Variants in SNX25 observed in about 807,000 individuals in gnomAD.
SNX25 encodes sorting nexin 25.
A neutral mutation model predicts 113.7 loss-of-function variants in SNX25; 62 were observed. The observed-to-expected ratio is 0.55, with a 90% CI of 0.44 to 0.67. The LOEUF is 0.67. SNX25 is among the 30% of genes least tolerant of loss of function. The pLI, the probability that SNX25 is intolerant of heterozygous loss-of-function variation, is 0.00. For missense variants in SNX25, 1,014 were observed against 1,161.0 expected (o/e 0.87, Z 1.84); for synonymous variants, 421 against 436.2 (o/e 0.97, Z 0.43).
upstream of SNX25, chr4:185,209,430 C>T (rs1737368371): frequency 6.6e-6 from 1 of 152,292 alleles, no homozygotes; most frequent in South Asian, 2.1e-4. The surrounding 1 kb of genome is among the most constrained non-coding windows in gnomAD (Gnocchi z 5.2). Flanking sequence ...GAGGTGTGCA[C>T]CGCGCTGGGT....
rs1175132248 is a variant in SNX25 at position 185,351,434 on chromosome 4, T to C, written c.2302-11T>C. Reference sequence around the variant, plus strand: ...CCCACACTGGAGCAGTTAATCCTCTTTCTTCCATAGAATCTGCTTTCAGAT... The same window carrying C: ...CCCACACTGGAGCAGTTAATCCTCTCTCTTCCATAGAATCTGCTTTCAGAT... On this transcript the variant is annotated splice_polypyrimidine_tract_variant and intron_variant, in intron 13 of 18. Transcript: ENST00000652585. 1 of 1,612,604 alleles carries C rather than the reference T, an allele frequency of 6.2e-7. No homozygotes were observed. Among genetic ancestry groups the C allele is most frequent in the South Asian group, 1.1e-5 (1 of 90,688 alleles).
At chr4:185,326,283 C>T (rs770769291) in intron 9 of SNX25, among the ~76,000 whole-genome samples, 2 of 152,152 alleles carry the variant, frequency 1.3e-5, no homozygotes, top group Non-Finnish European at 2.9e-5. Context: ...TCCTGTCCTG[C>T]TTGACATTAA....
At chr4:185,377,787 A>G in the SNX25 span, 1 of 257,668 alleles carries the variant, frequency 3.9e-6, no homozygotes, top group Non-Finnish European at 7.3e-6. Context: ...TTGCAAGTCA[A>G]GCCTGGCATT....
At chr4:185,257,212 A>G (rs778101988) in intron 2 of SNX25, among the ~76,000 whole-genome samples, 1 of 150,940 alleles carries the variant, frequency 6.6e-6, no homozygotes, top group Admixed American at 6.6e-5. Flanking sequence ...AGAAACAAGA[A>G]GTGATAAAAA....
rs79223605 is a variant in SNX25 at position 185,279,296 on chromosome 4, G to A, written c.1092-8716G>A. 2.0e-3 allele frequency among the ~76,000 whole-genome samples: 302 copies of A among 152,152 alleles called. 1 individual carries two copies. Among genetic ancestry groups the A allele is most frequent in the African/African-American group, 6.9e-3 (288 of 41,512 alleles). ...AATAGTGTTGTAGGTACGTGGAGAT[G>A]GTTTCCTCAACCCTTGGGGTGGCCT... On this transcript the variant is annotated intron_variant, in intron 5 of 18. Transcript: ENST00000652585.
intron 1 of SNX25, among the ~76,000 whole-genome samples, chr4:185,217,096 T>A (rs72706077): frequency 0.092 from 13,933 of 152,098 alleles, 738 homozygotes; most frequent in Non-Finnish European, 0.12. Flanking sequence ...AGAGCTGGGC[T>A]TTGAAACGTT....
chr4:185,371,355 T>C (rs113696773), downstream of SNX25, among the ~76,000 whole-genome samples: 3,546 of 151,966 alleles, frequency 0.023, 113 homozygotes, highest in African/African-American at 0.065. Context: ...CTGGCTAACA[T>C]GGTGAAACCC....
intron 12 of SNX25, among the ~76,000 whole-genome samples, chr4:185,345,266 G>C (rs538702462): frequency 6.6e-6 from 1 of 152,230 alleles, no homozygotes; most frequent in East Asian, 1.9e-4. Context: ...CCTGTCGACA[G>C]CTGTGACAGG....
At chr4:185,373,071 G>A (rs1177869008), downstream of SNX25, 3 of 1,604,568 alleles carry the variant, frequency 1.9e-6, no homozygotes, top group Non-Finnish European at 2.6e-6. Context: ...CGGAATGCCA[G>A]TAAAATGCCT....
intron 6 of SNX25, among the ~76,000 whole-genome samples, chr4:185,304,215 A>C (rs1182448573): frequency 6.6e-6 from 1 of 152,216 alleles, no homozygotes; most frequent in Non-Finnish European, 1.5e-5. Flanking sequence ...ACGTGATCAT[A>C]GCTCACTGTA....
chr4:185,361,847 G>C, intron 16 of SNX25, 77 bp from the exon 17 acceptor site: 1 of 1,396,940 alleles, frequency 7.2e-7, no homozygotes, highest in South Asian at 1.3e-5. Flanking sequence ...CTTAACCTTC[G>C]TATTGATAAG....
chr4:185,222,550 G>A (rs1031022383), intron 1 of SNX25, among the ~76,000 whole-genome samples: 27 of 152,014 alleles, frequency 1.8e-4, no homozygotes, highest in African/African-American at 6.0e-4. Flanking sequence ...TATCCCCTTC[G>A]TGGTAGCTAT....
chr4:185,248,922 T>C (rs1218299945), intron 2 of SNX25, among the ~76,000 whole-genome samples: 2 of 152,246 alleles, frequency 1.3e-5, no homozygotes, highest in East Asian at 1.9e-4. Flanking sequence ...TGTATTCTTT[T>C]ATGCCTGGCC....
rs1196422564 is a variant in SNX25, at chr4:185,210,453, G to GCTCCGGT, written c.429+203_429+204insGTCTCCG. On this transcript the variant is annotated intron_variant, in intron 1 of 18. Transcript: ENST00000652585. This position sits in a 1 kb window ranked among gnomAD's most constrained non-coding sequence, Gnocchi z 4.4. ...GCGCGCGGCGGGCTCCGGGCTCCGG[G>GCTCCGGT]CTCCGCGCTCCGCGGTGCTGGAGGA... Among the ~76,000 whole-genome samples the GCTCCGGT allele has an allele frequency of 6.7e-6, 1 of 149,168 alleles. No individual in the cohort carries two copies. Among genetic ancestry groups the GCTCCGGT allele is most frequent in the African/African-American group, 2.4e-5 (1 of 41,006 alleles).
At chr4:185,285,930 GC>G (rs1273619579) in intron 5 of SNX25, among the ~76,000 whole-genome samples, 1 of 135,146 alleles carries the variant, frequency 7.4e-6, no homozygotes, top group Non-Finnish European at 1.6e-5. Flanking sequence ...GCGCCACCAT[GC>G]CCAGCTAATT....
intron 1 of SNX25, among the ~76,000 whole-genome samples, chr4:185,213,280 CA>C (rs67715246): frequency 0.55 from 83,704 of 151,940 alleles, 23,267 homozygotes; most frequent in East Asian, 0.76. Context: ...ACCTGTTGAG[CA>C]TCTCCTATGT....
intron 5 of SNX25, among the ~76,000 whole-genome samples, chr4:185,276,274 C>G (rs1180937897): frequency 6.6e-6 from 1 of 152,170 alleles, no homozygotes; most frequent in Non-Finnish European, 1.5e-5. Flanking sequence ...ACATTTCCCT[C>G]TATTAGCCAC....
chr4:185,345,290 G>A (rs2095280214), intron 12 of SNX25, among the ~76,000 whole-genome samples: 1 of 151,888 alleles, frequency 6.6e-6, no homozygotes, highest in Non-Finnish European at 1.5e-5. Flanking sequence ...TACCTTTTTG[G>A]GTACTTAGTG....
chr4:185,258,628 G>A (rs138943667), intron 2 of SNX25, among the ~76,000 whole-genome samples: 1 of 152,302 alleles, frequency 6.6e-6, no homozygotes, highest in African/African-American at 2.4e-5. Flanking sequence ...ATAGGGCTCT[G>A]TAGGAAAATT....
Sources: gnomAD v4.1 joint callset for allele counts (sites outside exome capture counted in the v4.1 genomes callset) on GRCh38, gnomAD v4.1.1 for gene constraint, Gnocchi (gnomAD v3.1) non-coding constraint, MANE v1.5 for transcripts, NCBI Gene and HGNC (gene_info 2026-07-23, HGNC 2026-07-21) for gene names.